Variants in BDP1 observed in about 807,000 individuals in gnomAD.
BDP1 encodes the protein BDP1 general transcription factor IIIB subunit.
A neutral mutation model predicts 266.6 loss-of-function variants in BDP1; 169 were observed. The ratio of observed to expected loss-of-function variants is 0.63; its 90% CI spans 0.56 to 0.72. The LOEUF (loss-of-function observed/expected upper bound fraction) is 0.72. Among genes scored for constraint, BDP1 ranks in the 30% least tolerant of loss-of-function variants. The pLI is 0.00. For synonymous variants in BDP1, 1,090 were observed against 1,022.4 expected (o/e 1.07, Z -1.26); for missense variants, 3,015 against 3,053.8 (o/e 0.99, Z 0.30).
intron 13 of BDP1, among the ~76,000 whole-genome samples, 196 bp from the exon 14 acceptor site, chr5:71,501,366 G>A (rs767566617): frequency 2.6e-5 from 4 of 152,128 alleles, no homozygotes; most frequent in Non-Finnish European, 5.9e-5. Context: ...AGTAGAGACA[G>A]TTTCACCATG....
At chr5:71,465,514 T>A (rs1761848451) in intron 4 of BDP1, among the ~76,000 whole-genome samples, 1 of 152,168 alleles carries the variant, frequency 6.6e-6, no homozygotes, top group Admixed American at 6.5e-5. Context: ...TTTCCTGCCT[T>A]GGCCTCTGAA....
chr5:71,510,163 A>C lies in BDP1; in HGVS notation c.3071A>C (p.Lys1024Thr). The change falls in exon 17 of 39, where the codon AAG becomes ACG. Residue 1024 changes from lysine to threonine, a missense_variant. Lys to Thr is a moderately conservative substitution (Grantham distance 78). Transcript: ENST00000358731. ...ATGRESSPRE[K>T]TPEVIDATEE... is the part of the protein sequence containing the mutation. ...GGAAGAGAGAGTTCTCCAAGGGAGA[A>C]GACACCAGAGGTGATTGATGCTACT... 6.2e-7 allele frequency: 1 copy of C among 1,613,952 alleles called. No homozygotes were observed. Among genetic ancestry groups the C allele is most frequent in the South Asian group, 1.1e-5 (1 of 91,046 alleles).
downstream of BDP1, among the ~76,000 whole-genome samples, chr5:71,572,037 A>C (rs971001135): frequency 6.6e-6 from 1 of 152,212 alleles, no homozygotes; most frequent in Non-Finnish European, 1.5e-5. Flanking sequence ...AAGTTTGCTG[A>C]GGGCCATCGC....
At chr5:71,461,955 T>TCG in intron 3 of BDP1, 29 bp downstream of exon 3, 1 of 783,302 alleles carries the variant, frequency 1.3e-6, no homozygotes, top group South Asian at 1.5e-5. Flanking sequence ...TGCTTTACTA[T>TCG]CTCTTTTTTT....
At chr5:71,473,616 T>C (rs935681694) in intron 7 of BDP1, among the ~76,000 whole-genome samples, 4 of 152,190 alleles carry the variant, frequency 2.6e-5, no homozygotes, top group African/African-American at 9.6e-5. Context: ...TGTGTTTTTA[T>C]TGATTTTTTT....
At position 71,465,813 on chromosome 5, in the gene BDP1, G is replaced by A. The variant is rs554664907; in HGVS notation, c.660-283G>A. Among the ~76,000 whole-genome samples the A allele has an allele frequency of 2.7e-4, 41 of 152,178 alleles. 2 individuals carry two copies. In the South Asian group the frequency reaches 6.4e-3, roughly 24 times the overall value. On this transcript the variant is annotated intron_variant, in intron 4 of 38. Coordinates refer to ENST00000358731, the MANE Select transcript of BDP1 (RefSeq NM_018429.3). Reference sequence around the variant, plus strand: ...GTAGAATGGTGTGAACCCAGGAGGCGGAGGTTGCAGTAAGTCGAGATCATG... The same window carrying A: ...GTAGAATGGTGTGAACCCAGGAGGCAGAGGTTGCAGTAAGTCGAGATCATG...
chr5:71,488,969 A>G lies in BDP1; in HGVS notation c.1214-435A>G, dbSNP rs553371244. 9.9e-5 allele frequency among the ~76,000 whole-genome samples: 15 copies of G among 152,160 alleles called. 1 individual carries two copies. In the South Asian group the frequency reaches 2.9e-3, roughly 30 times the overall value. ...ATGATCCACCCTCCTCAGCCTCCCAAAGTGCTGGGATTACAGGTGTGAGCC... is the reference window on the plus strand; with the variant it reads ...ATGATCCACCCTCCTCAGCCTCCCAGAGTGCTGGGATTACAGGTGTGAGCC... On this transcript the variant is annotated intron_variant, in intron 9 of 38. Coordinates refer to ENST00000358731, the MANE Select transcript of BDP1 (RefSeq NM_018429.3).
At position 71,525,516 on chromosome 5, in the gene BDP1, C is replaced by T. The variant is rs1157946856; in HGVS notation, c.5772+1193C>T. ...CTGACACCCCTACCTCCCTCCCGGACGGGGCGGCTGGCCGGGCGGGGGGCT... is the reference window on the plus strand; with the variant it reads ...CTGACACCCCTACCTCCCTCCCGGATGGGGCGGCTGGCCGGGCGGGGGGCT... On this transcript the variant is annotated intron_variant, in intron 25 of 38. Coordinates refer to ENST00000358731, the MANE Select transcript of BDP1 (RefSeq NM_018429.3). Among the ~76,000 whole-genome samples, 8 of 125,560 alleles carry T rather than the reference C, an allele frequency of 6.4e-5. 1 individual carries two copies. The highest frequency in any genetic ancestry group is 2.7e-4 in the East Asian group (1 of 3,720). The allele number at this position is 125,560 out of a possible 152,430, so 82.4% of individuals were successfully genotyped here. A position where few individuals can be genotyped will look rare whatever the true frequency, so the allele number is the denominator to read the frequency against.
chr5:71,516,914 T>G (rs1337154187), intron 21 of BDP1, among the ~76,000 whole-genome samples: 3 of 152,204 alleles, frequency 2.0e-5, no homozygotes, highest in African/African-American at 7.2e-5. Flanking sequence ...AAATTAAACT[T>G]TGTTTATTTT....
In BDP1 at chr5:71,565,727, A is replaced by G. The variant is rs1743989185; in HGVS notation, c.*842A>G. On this transcript the variant is annotated 3_prime_UTR_variant, in exon 39 of 39. Transcript: ENST00000358731. ...ACATGTAGTTAAGGGACACGTGACT[A>G]TATGTGAAAACAAATTGTCAAACTT... 1 of 154,226 alleles carries G rather than the reference A, an allele frequency of 6.5e-6. No homozygotes were observed. Among genetic ancestry groups the G allele is most frequent in the South Asian group, 1.9e-4 (1 of 5,166 alleles). The allele number at this position is 154,226 out of a possible 1,614,324, so 9.6% of individuals were successfully genotyped here. A position where few individuals can be genotyped will look rare whatever the true frequency, so the allele number is the denominator to read the frequency against.
intron 32 of BDP1, among the ~76,000 whole-genome samples, chr5:71,548,288 A>G (rs558216563): frequency 6.6e-6 from 1 of 152,184 alleles, no homozygotes; most frequent in East Asian, 1.9e-4. Flanking sequence ...TTTTAGAAAA[A>G]CCATGTTTGT....
intron 22 of BDP1, among the ~76,000 whole-genome samples, chr5:71,519,832 C>A (rs1372393606): frequency 6.6e-6 from 1 of 152,206 alleles, no homozygotes; most frequent in Non-Finnish European, 1.5e-5. Context: ...ATACACCTGG[C>A]AGTAGGATGG....
intron 32 of BDP1, among the ~76,000 whole-genome samples, chr5:71,547,535 T>C (rs1452297908): frequency 6.6e-6 from 1 of 152,256 alleles, no homozygotes; most frequent in Non-Finnish European, 1.5e-5. Context: ...TTTTCCATTC[T>C]GTATTAGTAA....
rs747561239 is a variant in BDP1 at position 71,511,033 on chromosome 5, CAG to C, written c.3943_3944del (p.Asp1315HisfsTer18). 9 of 1,613,986 alleles carry C rather than the reference CAG, an allele frequency of 5.6e-6. No homozygotes were observed. The highest frequency in any genetic ancestry group is 7.6e-6 in the Non-Finnish European group (9 of 1,180,020). ...GCAGAATTGAAACAAACTGGAAAAA[CAG>C]ACATTTCTCCAAGGGAAAACGAGCT... On this transcript the variant is annotated frameshift_variant, in exon 17 of 39. Transcript: ENST00000358731. LOFTEE classifies it high-confidence loss of function.
At chr5:71,533,211 G>C (rs1313715395) in intron 26 of BDP1, among the ~76,000 whole-genome samples, 1 of 151,934 alleles carries the variant, frequency 6.6e-6, no homozygotes, top group Non-Finnish European at 1.5e-5. Context: ...CATTTTTTGT[G>C]TGTTATACAT....
chr5:71,562,332 T>G lies in BDP1; in HGVS notation c.7555T>G (p.Ser2519Ala), dbSNP rs1466522147. ...SLICSKNSLE[S>A]DEPMQVHSKK... ...AATATGCTCAAAGAATAGTTTGGAG[T>G]CTGATGAACCTATGCAAGTCCATAG... Residue 2519 changes from serine (S) to alanine (A), a missense_variant, in exon 38 of 39, where the codon TCT becomes GCT. Physicochemically the swap from Ser to Ala is moderately conservative, Grantham distance 99 (BLOSUM62 1). Around this residue, in one of 3 missense-constraint regions of BDP1, gnomAD observed 629 missense variants for 632.5 expected, o/e 0.99. Transcript: ENST00000358731. 1 of 1,612,814 alleles carries G rather than the reference T, an allele frequency of 6.2e-7. No individual in the cohort carries two copies. Among genetic ancestry groups the G allele is most frequent in the Non-Finnish European group, 8.5e-7 (1 of 1,179,490 alleles).
the BDP1 span, among the ~76,000 whole-genome samples, chr5:71,574,705 C>T: frequency 1.3e-5 from 2 of 152,150 alleles, no homozygotes; most frequent in Admixed American, 1.3e-4. Flanking sequence ...GTTTTAATGT[C>T]ACAAGATCTT....
chr5:71,505,819 C>A (rs936926933), intron 16 of BDP1, among the ~76,000 whole-genome samples: 3 of 152,148 alleles, frequency 2.0e-5, no homozygotes, highest in Non-Finnish European at 4.4e-5. Context: ...TATGAATGGG[C>A]CACTTTACTC....
chr5:71,463,993 A>T, intron 3 of BDP1, 65 bp from the exon 4 acceptor site: 1 of 944,820 alleles, frequency 1.1e-6, no homozygotes, highest in Non-Finnish European at 1.6e-6. Flanking sequence ...CTTCTTGCCT[A>T]CAGATAGAAT....
Sources: gnomAD v4.1 joint callset for allele counts (sites outside exome capture counted in the v4.1 genomes callset) on GRCh38, gnomAD v4.1.1 for gene constraint, gnomAD v4.1.1 regional missense constraint, MANE v1.5 for transcripts, NCBI Gene and HGNC (gene_info 2026-07-23, HGNC 2026-07-21) for gene names.